KIAA1328: variants seen among roughly 807,000 people sequenced by gnomAD.
KIAA1328 encodes KIAA1328.
A neutral mutation model predicts 68.1 loss-of-function variants in KIAA1328; 52 were observed. That is an observed-to-expected ratio of 0.76 (90% CI 0.61 to 0.96). The LOEUF (loss-of-function observed/expected upper bound fraction) is 0.96. Among genes scored for constraint, KIAA1328 ranks in the 40% least tolerant of loss-of-function variants. The probability of loss-of-function intolerance (pLI) is 0.00; values close to 1 mark genes in which losing one functional copy is unlikely to be tolerated. For missense variants in KIAA1328, 641 were observed against 677.6 expected (o/e 0.95, Z 0.60); for synonymous variants, 232 against 239.4 (o/e 0.97, Z 0.28).
chr18:36,920,615 G>A (rs1171813122), intron 5 of KIAA1328, among the ~76,000 whole-genome samples: 1 of 151,982 alleles, frequency 6.6e-6, no homozygotes, highest in East Asian at 1.9e-4. Context: ...TTTATCCTGG[G>A]GCTAATTTAG....
At chr18:36,869,252 T>G (rs9807171) in intron 4 of KIAA1328, among the ~76,000 whole-genome samples, 6,098 of 152,280 alleles carry the variant, frequency 0.04, 422 homozygotes, top group African/African-American at 0.14. Context: ...TTCAGGTGGT[T>G]GTTCTGAGCT....
intron 7 of KIAA1328, among the ~76,000 whole-genome samples, chr18:37,091,839 G>T (rs758639244): frequency 1.3e-5 from 2 of 152,138 alleles, no homozygotes; most frequent in Non-Finnish European, 2.9e-5. Flanking sequence ...AGCACACCAA[G>T]GAAGCTGGCC....
At chr18:36,928,482 G>C (rs528405028) in intron 5 of KIAA1328, among the ~76,000 whole-genome samples, 29 of 152,260 alleles carry the variant, frequency 1.9e-4, no homozygotes, top group African/African-American at 6.3e-4. Flanking sequence ...TGGTATATTA[G>C]TGATTAGTAA....
At chr18:36,968,535 A>G (rs1270064872) in intron 6 of KIAA1328, among the ~76,000 whole-genome samples, 1 of 152,248 alleles carries the variant, frequency 6.6e-6, no homozygotes, top group Non-Finnish European at 1.5e-5. Flanking sequence ...CAAAAAAGAC[A>G]AAGAAGGCCA....
intron 6 of KIAA1328, among the ~76,000 whole-genome samples, chr18:37,050,103 G>A (rs372314991): frequency 2.0e-5 from 3 of 151,860 alleles, no homozygotes; most frequent in Non-Finnish European, 4.4e-5. Context: ...CCAAGTTCTG[G>A]TTTCTATTCC....
At chr18:36,863,220 G>A (rs1293159184) in intron 4 of KIAA1328, among the ~76,000 whole-genome samples, 1 of 149,808 alleles carries the variant, frequency 6.7e-6, no homozygotes, top group East Asian at 1.9e-4. Context: ...TCCATTTTGA[G>A]TTAACTTTTG....
intron 5 of KIAA1328, among the ~76,000 whole-genome samples, chr18:36,899,840 C>G (rs1265776441): frequency 6.6e-6 from 1 of 151,862 alleles, no homozygotes; most frequent in Non-Finnish European, 1.5e-5. Context: ...AAGGTGCTAG[C>G]TAAATTTTAA....
chr18:36,913,372 T>A (rs954918269), intron 5 of KIAA1328, among the ~76,000 whole-genome samples: 1 of 151,258 alleles, frequency 6.6e-6, no homozygotes, highest in African/African-American at 2.4e-5. Flanking sequence ...AAAAAAAAAT[T>A]TTTTAAGAAC....
intron 7 of KIAA1328, among the ~76,000 whole-genome samples, chr18:37,122,871 G>A (rs1396824668): frequency 1.3e-5 from 2 of 152,088 alleles, no homozygotes; most frequent in African/African-American, 4.8e-5. Flanking sequence ...AGAAAACACG[G>A]TTGATGATTT....
chr18:37,200,530 G>A (rs2440183), intron 9 of KIAA1328, among the ~76,000 whole-genome samples: 40,506 of 152,054 alleles, frequency 0.27, 8,436 homozygotes, highest in African/African-American at 0.59. Context: ...AGGAGCTGTC[G>A]GCCGGGCGCG....
chr18:37,105,152 TAC>T (rs2057734576), intron 7 of KIAA1328, among the ~76,000 whole-genome samples: 1 of 152,206 alleles, frequency 6.6e-6, no homozygotes. Context: ...TTGTTTACCC[TAC>T]ACACTCTAGA....
At chr18:37,063,615 A>G (rs2056235501) in intron 6 of KIAA1328, 2 of 984,990 alleles carry the variant, frequency 2.0e-6, no homozygotes, top group African/African-American at 1.7e-5. Flanking sequence ...CCTATTACAC[A>G]TGCACAGTAA....
chr18:37,180,542 C>G (rs2059679799), intron 9 of KIAA1328, among the ~76,000 whole-genome samples: 1 of 151,904 alleles, frequency 6.6e-6, no homozygotes, highest in Non-Finnish European at 1.5e-5. Context: ...CTTAGTTACA[C>G]AGAGAAGTGG....
At chr18:36,885,994 GGTGTGAGCCACC>G (rs1339846555) in intron 5 of KIAA1328, 11 of 306,754 alleles carry the variant, frequency 3.6e-5, no homozygotes, top group Middle Eastern at 8.7e-4. Context: ...TAGGATTACA[GGTGTGAGCCACC>G]GTGCCTGGCC....
At chr18:37,081,220 G>A (rs1430886601) in intron 7 of KIAA1328, among the ~76,000 whole-genome samples, 1 of 152,056 alleles carries the variant, frequency 6.6e-6, no homozygotes, top group Non-Finnish European at 1.5e-5. Flanking sequence ...GATCTCAAGT[G>A]ATCCACCCTC....
intron 7 of KIAA1328, among the ~76,000 whole-genome samples, chr18:37,137,082 A>G (rs1599392467): frequency 6.6e-6 from 1 of 152,162 alleles, no homozygotes; most frequent in East Asian, 1.9e-4. Context: ...AAATCTAGTA[A>G]CACCTTCTAG....
chr18:37,078,454 G>A (rs2056828744), intron 7 of KIAA1328, among the ~76,000 whole-genome samples: 1 of 151,690 alleles, frequency 6.6e-6, no homozygotes, highest in East Asian at 1.9e-4. Context: ...AAAAGCAATG[G>A]CAACAAAAGC....
intron 5 of KIAA1328, among the ~76,000 whole-genome samples, chr18:36,893,514 G>C (rs1049032188): frequency 1.1e-4 from 16 of 142,452 alleles, no homozygotes; most frequent in Non-Finnish European, 1.6e-4. Flanking sequence ...TGAGACAAGG[G>C]TCTCATTATG....
At chr18:36,999,094 C>G (rs1598932661) in intron 6 of KIAA1328, among the ~76,000 whole-genome samples, 1 of 152,032 alleles carries the variant, frequency 6.6e-6, no homozygotes, top group Non-Finnish European at 1.5e-5. Flanking sequence ...AGGAACCAAA[C>G]AGAAATTCTG....
Sources: allele counts gnomAD v4.1 joint callset (sites outside exome capture counted in the v4.1 genomes callset), GRCh38; gene constraint gnomAD v4.1.1; transcripts MANE v1.5; gene names NCBI Gene and HGNC (gene_info 2026-07-23, HGNC 2026-07-21).